Variants in CAPZB observed in about 807,000 individuals in gnomAD.
The protein encoded by CAPZB is F-actin-capping protein subunit beta.
Under a neutral mutation model 38.1 loss-of-function variants are expected in CAPZB, and 2 were observed. That is an observed-to-expected ratio of 0.05 (90% CI 0.02 to 0.17). The LOEUF (loss-of-function observed/expected upper bound fraction) is 0.17, where lower values mean the gene tolerates loss of function less well. Ranked by LOEUF, CAPZB falls within the 10% of genes least tolerant of loss-of-function variation. The pLI is 1.00. For missense variants in CAPZB, 161 were observed against 334.2 expected, an observed-to-expected ratio of 0.48 and a Z score of 4.04; for synonymous variants, 107 against 127.4, an observed-to-expected ratio of 0.84 and a Z score of 1.08.
chr1:19,408,550 T>C (rs986172117), intron 2 of CAPZB, among the ~76,000 whole-genome samples: 2 of 152,304 alleles, frequency 1.3e-5, no homozygotes, highest in Admixed American at 1.3e-4. Flanking sequence ...TCCACCTATT[T>C]ACCAGATGGG....
chr1:19,427,847 G>A (rs2094428675), intron 1 of CAPZB, among the ~76,000 whole-genome samples: 1 of 152,168 alleles, frequency 6.6e-6, no homozygotes, highest in South Asian at 2.1e-4. Context: ...CAACCTTTTG[G>A]GGTCTGCTGT....
intron 1 of CAPZB, among the ~76,000 whole-genome samples, chr1:19,481,909 G>A (rs1013533960): frequency 2.6e-5 from 4 of 152,192 alleles, no homozygotes; most frequent in African/African-American, 9.7e-5. Context: ...AGCCATGAGG[G>A]CAGAGATCCT....
intron 4 of CAPZB, among the ~76,000 whole-genome samples, chr1:19,368,487 T>A (rs2094102263): frequency 7.8e-6 from 1 of 127,810 alleles, no homozygotes; most frequent in Non-Finnish European, 1.6e-5. Flanking sequence ...TCTCCATTTT[T>A]TTTCTTGGAA....
At chr1:19,419,126 T>C (rs1252606431) in intron 2 of CAPZB, among the ~76,000 whole-genome samples, 2 of 152,252 alleles carry the variant, frequency 1.3e-5, no homozygotes, top group South Asian at 2.1e-4. Flanking sequence ...CCAATCATTC[T>C]GAGCATAAAA....
chr1:19,476,112 C>A (rs2094605483), intron 1 of CAPZB, among the ~76,000 whole-genome samples: 1 of 152,044 alleles, frequency 6.6e-6, no homozygotes, highest in African/African-American at 2.4e-5. Context: ...TCCCTTGAGC[C>A]CACAAGTTCG....
At chr1:19,381,747 C>T (rs2094176245) in intron 3 of CAPZB, among the ~76,000 whole-genome samples, 1 of 130,594 alleles carries the variant, frequency 7.7e-6, no homozygotes, top group South Asian at 2.5e-4. Flanking sequence ...GGTTGGAGTG[C>T]AGTGGCATGA....
chr1:19,398,706 TGGA>T (rs1261004258), intron 2 of CAPZB, among the ~76,000 whole-genome samples: 1 of 151,934 alleles, frequency 6.6e-6, no homozygotes, highest in African/African-American at 2.4e-5. Context: ...CAGGGGAGAC[TGGA>T]GGGGACATCT....
chr1:19,479,962 C>T (rs2094621602), intron 1 of CAPZB, among the ~76,000 whole-genome samples: 1 of 152,146 alleles, frequency 6.6e-6, no homozygotes, highest in African/African-American at 2.4e-5. Context: ...CCATACCCCA[C>T]CCTGTCCTCT....
chr1:19,449,040 T>C (rs2100685499), intron 1 of CAPZB: 6 of 1,499,362 alleles, frequency 4.0e-6, no homozygotes, highest in Non-Finnish European at 5.4e-6. Flanking sequence ...TCCTGACTTC[T>C]CCCATCTGGT....
At chr1:19,370,683 C>A (rs1289324853) in intron 4 of CAPZB, among the ~76,000 whole-genome samples, 1 of 152,124 alleles carries the variant, frequency 6.6e-6, no homozygotes, top group East Asian at 1.9e-4. Flanking sequence ...GTGGTAAGAG[C>A]CCTCCTGAAA....
At chr1:19,477,395 A>C (rs2094610613) in intron 1 of CAPZB, among the ~76,000 whole-genome samples, 1 of 152,236 alleles carries the variant, frequency 6.6e-6, no homozygotes, top group African/African-American at 2.4e-5. Flanking sequence ...ACAACAGCTC[A>C]CATTGGAAAT....
chr1:19,464,063 T>G (rs2100750881), intron 1 of CAPZB, among the ~76,000 whole-genome samples: 1 of 150,552 alleles, frequency 6.6e-6, no homozygotes, highest in Admixed American at 6.6e-5. Flanking sequence ...GGTGCACACC[T>G]GTAATCTCAG....
rs949082273 is a variant in CAPZB, at chr1:19,375,558, G to C, written c.329+2982C>G. On this transcript the variant is annotated intron_variant, in intron 4 of 8. Coordinates refer to ENST00000264202, the MANE Select transcript of CAPZB (RefSeq NM_004930.5). The stretch of plus-strand genomic sequence containing the variant: ...ACACTGTTGCAGACCCTCGGGGTCT[G>C]GGTTATCCAGTTCGACCCCCAACTG... 7.2e-5 allele frequency among the ~76,000 whole-genome samples: 11 copies of C among 152,370 alleles called. 1 individual carries two copies. Among genetic ancestry groups the C allele is most frequent in the Admixed American group, 2.0e-4 (3 of 15,308 alleles).
intron 4 of CAPZB, among the ~76,000 whole-genome samples, chr1:19,367,576 T>C (rs2094096310): frequency 6.6e-6 from 1 of 152,190 alleles, no homozygotes. Flanking sequence ...GTTTGTGTGT[T>C]GAGACCAGCT....
intron 2 of CAPZB, among the ~76,000 whole-genome samples, chr1:19,416,763 G>A (rs914333025): frequency 4.7e-5 from 7 of 148,244 alleles, no homozygotes; most frequent in African/African-American, 1.7e-4. Flanking sequence ...GCAAGGCTGA[G>A]GCAGAAGATC....
intron 4 of CAPZB, among the ~76,000 whole-genome samples, chr1:19,359,122 G>C (rs1463605300): frequency 1.3e-5 from 2 of 151,124 alleles, no homozygotes; most frequent in African/African-American, 4.9e-5. Context: ...ACATGTATCT[G>C]TAGATTATGT....
chr1:19,395,091 G>C (rs1346683096), intron 2 of CAPZB, among the ~76,000 whole-genome samples: 1 of 152,206 alleles, frequency 6.6e-6, no homozygotes, highest in Non-Finnish European at 1.5e-5. Flanking sequence ...ACGCTTGGCA[G>C]GTTAGGGGGA....
At chr1:19,344,185 T>C (rs1188683920) in intron 8 of CAPZB, among the ~76,000 whole-genome samples, 173 bp downstream of exon 8, 1 of 152,154 alleles carries the variant, frequency 6.6e-6, no homozygotes, top group African/African-American at 2.4e-5. Context: ...AGAGTGCAGA[T>C]GACACATCAG....
At chr1:19,453,569 CTCTT>C (rs1032914242) in intron 1 of CAPZB, among the ~76,000 whole-genome samples, 7 of 152,172 alleles carry the variant, frequency 4.6e-5, no homozygotes, top group African/African-American at 7.2e-5. Flanking sequence ...CCACCAGCGC[CTCTT>C]TCTATGTCTC....
Sources: gnomAD v4.1 joint callset for allele counts (sites outside exome capture counted in the v4.1 genomes callset) on GRCh38, gnomAD v4.1.1 for gene constraint, MANE v1.5 for transcripts, NCBI Gene and HGNC (gene_info 2026-07-23, HGNC 2026-07-21) for gene names.